The following WNT7A variants were observed in gnomAD, a reference collection of about 807,000 sequenced individuals.
WNT7A encodes the protein Wnt family member 7A.
WNT7A carries 16 observed loss-of-function variants against 28.2 expected under a neutral mutation model. That is an observed-to-expected ratio of 0.57 (90% CI 0.38 to 0.86). WNT7A has a LOEUF of 0.86. WNT7A is among the 40% of genes least tolerant of loss of function. The pLI is 0.00. For synonymous variants in WNT7A, 190 were observed against 195.9 expected, an observed-to-expected ratio of 0.97 and a Z score of 0.25; for missense variants, 411 against 489.7, an observed-to-expected ratio of 0.84 and a Z score of 1.52.
chr3:13,872,266 T>C (rs921934335), intron 2 of WNT7A, among the ~76,000 whole-genome samples: 2 of 152,190 alleles, frequency 1.3e-5, no homozygotes, highest in African/African-American at 4.8e-5. Flanking sequence ...CTATTCCTAT[T>C]AGGGGCTATG....
chr3:13,854,588 T>C lies in WNT7A; in HGVS notation c.514A>G (p.Ile172Val). The stretch of plus-strand genomic sequence containing the variant: ...ATGAGAGTCCGGGCATTCTGCTTGA[T>C]CTCCCGGGCATCCACAAAGACCTTG... ...FAKVFVDARE[I>V]KQNARTLMNL... Residue 172 changes from isoleucine (I) to valine (V), a missense_variant, in exon 3 of 4, where the codon ATC becomes GTC. Physicochemically the swap from Ile to Val is conservative, Grantham distance 29 (BLOSUM62 3). Transcript: ENST00000285018. 1 of 1,614,124 alleles carries C rather than the reference T, an allele frequency of 6.2e-7. No individual in the cohort carries two copies. Among genetic ancestry groups the C allele is most frequent in the Non-Finnish European group, 8.5e-7 (1 of 1,180,042 alleles).
rs186368285 is a variant in WNT7A, at chr3:13,858,122, G to A, written c.299-3319C>T. ...GGCAGCAGAGCTGAGCTGCAGACCC[G>A]GCCTCTGGGCACCCCATGTAGACCA... On this transcript the variant is annotated intron_variant, in intron 2 of 3. Transcript: ENST00000285018. Among the ~76,000 whole-genome samples the A allele has an allele frequency of 2.8e-3, 433 of 152,306 alleles. 2 individuals carry two copies. Among genetic ancestry groups the A allele is most frequent in the African/African-American group, 9.9e-3 (411 of 41,572 alleles).
chr3:13,871,174 A>G (rs907735825), intron 2 of WNT7A, among the ~76,000 whole-genome samples: 1 of 152,150 alleles, frequency 6.6e-6, no homozygotes, highest in African/African-American at 2.4e-5. Context: ...GAGCTTTGGA[A>G]AGTTTCTCTT....
chr3:13,845,280 C>G (rs1694521076), intron 3 of WNT7A, among the ~76,000 whole-genome samples: 1 of 152,124 alleles, frequency 6.6e-6, no homozygotes, highest in Non-Finnish European at 1.5e-5. Context: ...CGTCTCAGCC[C>G]TTACTCCGTG....
intron 3 of WNT7A, among the ~76,000 whole-genome samples, chr3:13,847,918 G>T (rs1694566478): frequency 6.6e-6 from 1 of 152,292 alleles, no homozygotes; most frequent in Non-Finnish European, 1.5e-5. Flanking sequence ...GTGAGAGTGT[G>T]CTTGATGCCA....
At chr3:13,868,266 G>A (rs1243757684) in intron 2 of WNT7A, among the ~76,000 whole-genome samples, 1 of 152,022 alleles carries the variant, frequency 6.6e-6, no homozygotes, top group Non-Finnish European at 1.5e-5. Flanking sequence ...GGCCAAGGCA[G>A]GATTGCTTGA....
rs1451203056 is a variant in WNT7A at position 13,817,466 on chromosome 3, AC to A, written c.*1477del. 1 of 115,778 alleles carries A rather than the reference AC, an allele frequency of 8.6e-6. No homozygotes were observed. Among genetic ancestry groups the A allele is most frequent in the East Asian group, 2.6e-4 (1 of 3,836 alleles). The allele number at this position is 115,778 out of a possible 1,614,324, so 7.2% of individuals were successfully genotyped here. A position where few individuals can be genotyped will look rare whatever the true frequency, so the allele number is the denominator to read the frequency against. Reference sequence around the variant, plus strand: ...CACACACACACACACACACACACACACACACCGGAAATGCAAACGGACACAT... The same window carrying A: ...CACACACACACACACACACACACACAACACCGGAAATGCAAACGGACACAT... On this transcript the variant is annotated 3_prime_UTR_variant, in exon 4 of 4. Coordinates refer to ENST00000285018, the MANE Select transcript of WNT7A (RefSeq NM_004625.4).
chr3:13,855,652 T>C (rs1244263527), intron 2 of WNT7A, among the ~76,000 whole-genome samples: 2 of 152,144 alleles, frequency 1.3e-5, no homozygotes, highest in African/African-American at 4.8e-5. Context: ...CTTAGCCTCT[T>C]TGGGCCTCAG....
At chr3:13,856,948 A>AAGGAGAAGGAGAAGGAGAAGG in intron 2 of WNT7A, among the ~76,000 whole-genome samples, 7 of 116,324 alleles carry the variant, frequency 6.0e-5, no homozygotes, top group African/African-American at 2.9e-4. Context: ...GAAGAAGAAG[A>AAGGAGAAGGAGAAGGAGAAGG]AGAAGAAGAA....
intron 3 of WNT7A, among the ~76,000 whole-genome samples, chr3:13,827,692 G>C (rs1359051498): frequency 2.0e-5 from 3 of 152,146 alleles, no homozygotes; most frequent in Admixed American, 2.0e-4. Context: ...GCTCCCACAG[G>C]GTCCATGCCA....
Position 13,819,439 on chromosome 3 carries a change from G to C in WNT7A, c.571-16C>G. ...CCTCCAGGATCTGCAGGGGAGGGCG[G>C]GGAAGAGCACAGCACAGGTCACTGC... On this transcript the variant is annotated splice_polypyrimidine_tract_variant and intron_variant, in intron 3 of 3. Transcript: ENST00000285018. 1.2e-6 allele frequency: 2 copies of C among 1,610,042 alleles called. No homozygotes were observed. The highest frequency in any genetic ancestry group is 1.7e-6 in the Non-Finnish European group (2 of 1,179,838).
At chr3:13,826,588 C>A (rs1019521660) in intron 3 of WNT7A, among the ~76,000 whole-genome samples, 1 of 152,054 alleles carries the variant, frequency 6.6e-6, no homozygotes, top group African/African-American at 2.4e-5. Context: ...AGAGGGGAAT[C>A]TGGGGAGTAA....
At chr3:13,861,837 G>T (rs1694836758) in intron 2 of WNT7A, among the ~76,000 whole-genome samples, 1 of 152,192 alleles carries the variant, frequency 6.6e-6, no homozygotes, top group African/African-American at 2.4e-5. Flanking sequence ...TGGGAGACTT[G>T]CTCAAGGTCA....
chr3:13,845,864 T>C (rs1381661882), intron 3 of WNT7A, among the ~76,000 whole-genome samples: 1 of 152,190 alleles, frequency 6.6e-6, no homozygotes, highest in African/African-American at 2.4e-5. Flanking sequence ...CCTGGAAGGA[T>C]CGGAGGAGAA....
Position 13,854,736 on chromosome 3 carries a change from G to A in WNT7A, c.366C>T (p.Ala122=), listed in dbSNP as rs150234047. The change falls in exon 3 of 4, where the codon GCC becomes GCT. Residue 122 remains alanine (A), a synonymous_variant. Coordinates refer to ENST00000285018, the MANE Select transcript of WNT7A (RefSeq NM_004625.4). Reference sequence around the variant, plus strand: ...AGTCGCTCAGGTTGCCCTGGGTACAGGCAGCTGTGATGGCGTGGGCCACGC... The same window carrying A: ...AGTCGCTCAGGTTGCCCTGGGTACAAGCAGCTGTGATGGCGTGGGCCACGC... ...AAGVAHAITA[A]CTQGNLSDCG... 5.0e-6 allele frequency: 8 copies of A among 1,613,944 alleles called. No homozygotes were observed. The African/African-American group carries it at 1.1e-4, about 22-fold the overall frequency.
chr3:13,846,921 C>T (rs578124587), intron 3 of WNT7A, among the ~76,000 whole-genome samples: 1 of 152,258 alleles, frequency 6.6e-6, no homozygotes, highest in East Asian at 1.9e-4. Context: ...CTTACCAGCC[C>T]AGAGCAAAGT....
At chr3:13,862,034 G>C (rs1478942013) in intron 2 of WNT7A, among the ~76,000 whole-genome samples, 3 of 152,200 alleles carry the variant, frequency 2.0e-5, no homozygotes, top group Admixed American at 2.0e-4. Flanking sequence ...AGTCCCTCCT[G>C]TCTACTTCTC....
At chr3:13,848,930 A>C (rs1694585696) in intron 3 of WNT7A, among the ~76,000 whole-genome samples, 1 of 152,238 alleles carries the variant, frequency 6.6e-6, no homozygotes, top group South Asian at 2.1e-4. Flanking sequence ...GGAACCGGCT[A>C]CTGATACACA....
intron 3 of WNT7A, 71 bp from the exon 4 acceptor site, chr3:13,819,494 C>A: frequency 6.6e-7 from 1 of 1,511,880 alleles, no homozygotes; most frequent in Non-Finnish European, 8.9e-7. Flanking sequence ...CCCCCAGCTC[C>A]CCCCCGCCCC....
Sources: gnomAD v4.1 joint callset for allele counts (sites outside exome capture counted in the v4.1 genomes callset) on GRCh38, gnomAD v4.1.1 for gene constraint, MANE v1.5 for transcripts, NCBI Gene and HGNC (gene_info 2026-07-23, HGNC 2026-07-21) for gene names.